Variants in ABCA13 observed in about 807,000 individuals in gnomAD.
ABCA13 encodes the protein ATP binding cassette subfamily A member 13, also known as ATP-binding cassette sub-family A member 13.
ABCA13 carries 476 observed loss-of-function variants against 478.7 expected under a neutral mutation model. The observed-to-expected ratio is 0.99, with a 90% CI of 0.92 to 1.07. The LOEUF is 1.07. Among genes scored for constraint, ABCA13 ranks in the 50% least tolerant of loss-of-function variants. The pLI is 0.00. For synonymous variants in ABCA13, 2,252 were observed against 2,158.9 expected (o/e 1.04, Z -1.20); for missense variants, 6,060 against 5,910.6 (o/e 1.03, Z -0.83).
chr7:48,402,059 G>A (rs538294174), intron 38 of ABCA13, among the ~76,000 whole-genome samples: 1 of 152,234 alleles, frequency 6.6e-6, no homozygotes, highest in East Asian at 1.9e-4. Context: ...AAGTGCAGGG[G>A]GCCAGAAGCG....
chr7:48,314,678 T>A (rs1218253608), intron 26 of ABCA13, among the ~76,000 whole-genome samples: 2 of 152,096 alleles, frequency 1.3e-5, no homozygotes, highest in African/African-American at 4.8e-5. Flanking sequence ...GCCCCATTGG[T>A]TTCCCAGGCT....
intron 54 of ABCA13, among the ~76,000 whole-genome samples, chr7:48,526,394 T>TGCAGG (rs1832894274): frequency 6.6e-6 from 1 of 152,208 alleles, no homozygotes; most frequent in African/African-American, 2.4e-5. Flanking sequence ...AGATGCCATT[T>TGCAGG]AAAGTTAGAT....
At chr7:48,368,401 A>T (rs1812036375) in intron 32 of ABCA13, among the ~76,000 whole-genome samples, 1 of 151,878 alleles carries the variant, frequency 6.6e-6, no homozygotes, top group African/African-American at 2.4e-5. Context: ...ATTTTGGTGC[A>T]CCCATCACCC....
chr7:48,623,281 G>C (rs1425055024), intron 59 of ABCA13, among the ~76,000 whole-genome samples: 3 of 152,224 alleles, frequency 2.0e-5, no homozygotes, highest in African/African-American at 7.2e-5. Flanking sequence ...CCTCTTGTCA[G>C]CTAGCTTTTT....
rs372649575 is a variant in ABCA13 at position 48,248,222 on chromosome 7, C to T, written c.1660-17C>T. ...TTGCTTTATTTATTATAAGCAATATCTTCTTTTCTTGTTAAGGATCGTATT... is the reference window on the plus strand; with the variant it reads ...TTGCTTTATTTATTATAAGCAATATTTTCTTTTCTTGTTAAGGATCGTATT... On this transcript the variant is annotated splice_polypyrimidine_tract_variant and intron_variant, in intron 13 of 61. Coordinates refer to ENST00000435803, the MANE Select transcript of ABCA13 (RefSeq NM_152701.5). The T allele has an allele frequency of 2.8e-5, 45 of 1,601,538 alleles. No homozygotes were observed. The highest frequency in any genetic ancestry group is 8.4e-5 in the Admixed American group (5 of 59,560).
chr7:48,417,955 G>T lies in ABCA13; in HGVS notation c.12459+5372G>T, dbSNP rs147405497. Among the ~76,000 whole-genome samples the T allele has an allele frequency of 1.2e-3, 182 of 152,162 alleles. 1 individual carries two copies. Among genetic ancestry groups the T allele is most frequent in the African/African-American group, 4.2e-3 (174 of 41,534 alleles). On this transcript the variant is annotated intron_variant, in intron 41 of 61. Transcript: ENST00000435803. ...CAACCCTTGTAGCCTTTCCATTTTGGCTTCTTTATCTTAGTAACATGGATT... is the reference window on the plus strand; with the variant it reads ...CAACCCTTGTAGCCTTTCCATTTTGTCTTCTTTATCTTAGTAACATGGATT...
chr7:48,389,259 G>C, intron 37 of ABCA13, 39 bp downstream of exon 37: 1 of 1,568,992 alleles, frequency 6.4e-7, no homozygotes, highest in Non-Finnish European at 8.6e-7. Context: ...CTGGGCATTT[G>C]ATTCTTAAAA....
In ABCA13 at chr7:48,462,569, C is replaced by A. The variant is rs557607247; in HGVS notation, c.12816-4387C>A. The stretch of plus-strand genomic sequence containing the variant: ...TGTTGACCAGGCTGGAGTGCAGTGG[C>A]GTGATCTTGGCTCACTACAACCTCC... On this transcript the variant is annotated intron_variant, in intron 43 of 61. Coordinates refer to ENST00000435803, the MANE Select transcript of ABCA13 (RefSeq NM_152701.5). Among the ~76,000 whole-genome samples, 6 of 151,772 alleles carry A rather than the reference C, an allele frequency of 4.0e-5. No individual in the cohort carries two copies. The South Asian group carries it at 1.2e-3, about 32-fold the overall frequency.
chr7:48,173,327 C>T (rs886584933), intron 1 of ABCA13, among the ~76,000 whole-genome samples: 2 of 152,228 alleles, frequency 1.3e-5, no homozygotes, highest in African/African-American at 4.8e-5. Context: ...GAGAGCAGGA[C>T]ATTTTCCCCA....
chr7:48,247,883 G>C (rs76417594), intron 13 of ABCA13, among the ~76,000 whole-genome samples: 1 of 152,106 alleles, frequency 6.6e-6, no homozygotes, highest in Admixed American at 6.5e-5. Flanking sequence ...ATGGGTTTAC[G>C]TGAGCCAGAT....
At chr7:48,630,469 A>C (rs1357628095) in intron 59 of ABCA13, among the ~76,000 whole-genome samples, 1 of 152,184 alleles carries the variant, frequency 6.6e-6, no homozygotes, top group Non-Finnish European at 1.5e-5. Flanking sequence ...AGCTCCATCC[A>C]TGTTGCTGCA....
At chr7:48,348,515 A>G (rs1180564750) in intron 29 of ABCA13, among the ~76,000 whole-genome samples, 6 of 152,202 alleles carry the variant, frequency 3.9e-5, no homozygotes, top group Non-Finnish European at 5.9e-5. Context: ...GATTTTTCCA[A>G]TGAGCGTGTT....
At position 48,274,552 on chromosome 7, in the gene ABCA13, G is replaced by T. The variant is rs747469909; in HGVS notation, c.4886G>T (p.Gly1629Val). 7 of 1,613,682 alleles carry T rather than the reference G, an allele frequency of 4.3e-6. No homozygotes were observed. In the South Asian group the frequency reaches 7.7e-5, roughly 18 times the overall value. ...IISPEIMKAT[G>V]LGIQLIRDVF... The stretch of plus-strand genomic sequence containing the variant: ...TCACCTGAAATAATGAAAGCTACAG[G>T]TCTTGGTATTCAACTGATAAGGGAT... Residue 1629 changes from glycine to valine, a missense_variant, in exon 17 of 62, where the codon GGT becomes GTT. Coordinates refer to ENST00000435803, the MANE Select transcript of ABCA13 (RefSeq NM_152701.5).
chr7:48,175,398 T>C (rs546895882), intron 1 of ABCA13, among the ~76,000 whole-genome samples: 1 of 152,294 alleles, frequency 6.6e-6, no homozygotes, highest in African/African-American at 2.4e-5. Context: ...ATTCTCCTTG[T>C]AGCAATTTGA....
At chr7:48,509,231 G>A (rs1831469855) in intron 50 of ABCA13, among the ~76,000 whole-genome samples, 1 of 152,168 alleles carries the variant, frequency 6.6e-6, no homozygotes, top group African/African-American at 2.4e-5. Flanking sequence ...GCAGGCAAGT[G>A]GAAGTGACTT....
chr7:48,457,970 C>G (rs10267753), intron 43 of ABCA13, among the ~76,000 whole-genome samples: 28,585 of 152,060 alleles, frequency 0.19, 3,110 homozygotes, highest in African/African-American at 0.29. Flanking sequence ...AATTAGTGGG[C>G]GAGAAGAATA....
chr7:48,228,483 G>A (rs944940765), intron 6 of ABCA13, among the ~76,000 whole-genome samples: 47 of 152,174 alleles, frequency 3.1e-4, no homozygotes, highest in African/African-American at 1.1e-3. Context: ...GCAGGAGTGT[G>A]GGGTGGGAGG....
intron 20 of ABCA13, among the ~76,000 whole-genome samples, chr7:48,291,966 A>G (rs142138262): frequency 7.9e-5 from 12 of 152,156 alleles, no homozygotes; most frequent in African/African-American, 2.4e-4. Flanking sequence ...TGGCTCCTCT[A>G]TGTGGCAGAA....
chr7:48,607,406 G>A (rs981532029), intron 58 of ABCA13, among the ~76,000 whole-genome samples: 6 of 105,442 alleles, frequency 5.7e-5, no homozygotes, highest in South Asian at 4.0e-4. Context: ...GAGATGAACC[G>A]GGTACCTCAG....
Sources: gnomAD v4.1 joint callset for allele counts (sites outside exome capture counted in the v4.1 genomes callset) on GRCh38, gnomAD v4.1.1 for gene constraint, MANE v1.5 for transcripts, NCBI Gene and HGNC (gene_info 2026-07-23, HGNC 2026-07-21) for gene names.